The following CDCA4 variants were observed in gnomAD, a reference collection of about 807,000 sequenced individuals.
The protein encoded by CDCA4 is cell division cycle-associated protein 4.
For synonymous variants in CDCA4, 130 were observed against 137.0 expected (o/e 0.95, Z 0.36); for missense variants, 294 against 322.1 (o/e 0.91, Z 0.67).
chr14:105,011,162 G>C lies in CDCA4; in HGVS notation c.*42C>G. The C allele has an allele frequency of 3.8e-6, 6 of 1,559,530 alleles. No homozygotes were observed. In the South Asian group the frequency reaches 6.1e-5, roughly 16 times the overall value. ...CCTCCGTGGGAGCCAGTGCTCACGT[G>C]TCAATGCGTCAGAGGCGGCTGTGAG... On this transcript the variant is annotated 3_prime_UTR_variant, in exon 2 of 2. Coordinates refer to ENST00000336219, the MANE Select transcript of CDCA4 (RefSeq NM_017955.4).
rs1900499278 is a variant in CDCA4, at chr14:105,011,466, C to G, written c.464G>C (p.Arg155Thr). Residue 155 changes from arginine (R) to threonine (T), a missense_variant, in exon 2 of 2, where the codon AGA becomes ACA. Physicochemically the swap from Arg to Thr is moderately conservative, Grantham distance 71. Coordinates refer to ENST00000336219, the MANE Select transcript of CDCA4 (RefSeq NM_017955.4). ...ATCAAGTGACTTGTGAAAGCTTCCT[C>G]TGTTTTCTCGAGGGCCATCCATCTC... The part of the protein sequence containing the change: ...AWEMDGPREN[R>T]GSFHKSLDQI... 6.2e-7 allele frequency: 1 copy of G among 1,614,102 alleles called. No individual in the cohort carries two copies. Among genetic ancestry groups the G allele is most frequent in the Admixed American group, 1.7e-5 (1 of 60,006 alleles).
Position 105,010,893 on chromosome 14 carries a change from A to T in CDCA4, c.*311T>A, listed in dbSNP as rs1017674434. 10 of 383,542 alleles carry T rather than the reference A, an allele frequency of 2.6e-5. No homozygotes were observed. The highest frequency in any genetic ancestry group is 2.1e-4 in the African/African-American group (10 of 48,538). 23.8% of individuals were successfully genotyped at this position (383,542 alleles called of 1,614,324 possible). On this transcript the variant is annotated 3_prime_UTR_variant, in exon 2 of 2. Coordinates refer to ENST00000336219, the MANE Select transcript of CDCA4 (RefSeq NM_017955.4). ...AATTCACCTATCTAAAGGTAAAAGG[A>T]GGTTGATGCAGCTGCGGCTCACCGT...
At chr14:105,015,290 G>A (rs958794360) in intron 1 of CDCA4, among the ~76,000 whole-genome samples, 4 of 133,248 alleles carry the variant, frequency 3.0e-5, no homozygotes, top group Non-Finnish European at 6.8e-5. Flanking sequence ...TGCTGTCAGC[G>A]GTCCTAAGGG....
At chr14:105,016,685 T>A (rs550250871) in intron 1 of CDCA4, among the ~76,000 whole-genome samples, 120 of 152,366 alleles carry the variant, frequency 7.9e-4, no homozygotes, top group South Asian at 3.3e-3. Flanking sequence ...CTGGCCTCCC[T>A]GTGTAGGTCC....
At chr14:105,018,301 C>G (rs115827237) in intron 1 of CDCA4, among the ~76,000 whole-genome samples, 1 of 152,064 alleles carries the variant, frequency 6.6e-6, no homozygotes, top group African/African-American at 2.4e-5. Context: ...TATCCCTGTT[C>G]AGTCACTTCA....
intron 1 of CDCA4, among the ~76,000 whole-genome samples, chr14:105,018,008 C>T (rs1295044304): frequency 2.0e-5 from 3 of 151,972 alleles, no homozygotes; most frequent in African/African-American, 4.8e-5. Context: ...AAATATGTAC[C>T]GTAGGATTCT....
rs1309303728 is a variant in CDCA4 at position 105,010,098 on chromosome 14, G to T, written c.*1106C>A. The T allele has an allele frequency of 3.3e-5, 5 of 152,412 alleles. No individual in the cohort carries two copies. Among genetic ancestry groups the T allele is most frequent in the African/African-American group, 4.8e-5 (2 of 41,456 alleles). The allele number at this position is 152,412 out of a possible 1,614,324, so 9.4% of individuals were successfully genotyped here. A position where few individuals can be genotyped will look rare whatever the true frequency, so the allele number is the denominator to read the frequency against. ...TGTGGGGTGAGGCGGGGCAGGAGTGGAAGGCTGCAGGCACCCCCAGCTCAC... is the reference window on the plus strand; with the variant it reads ...TGTGGGGTGAGGCGGGGCAGGAGTGTAAGGCTGCAGGCACCCCCAGCTCAC... On this transcript the variant is annotated 3_prime_UTR_variant, in exon 2 of 2. Coordinates refer to ENST00000336219, the MANE Select transcript of CDCA4 (RefSeq NM_017955.4).
intron 1 of CDCA4, among the ~76,000 whole-genome samples, chr14:105,018,581 G>A (rs1886144624): frequency 6.6e-6 from 1 of 152,076 alleles, no homozygotes; most frequent in Admixed American, 6.5e-5. Context: ...GCAAGAGCAT[G>A]GTCTTAACCA....
chr14:105,015,503 T>C (rs1293603921), intron 1 of CDCA4, among the ~76,000 whole-genome samples: 1 of 152,266 alleles, frequency 6.6e-6, no homozygotes, highest in Non-Finnish European at 1.5e-5. Context: ...GCAGGAAGCC[T>C]GGCTGCTTTC....
At chr14:105,016,216 A>G (rs764854949) in intron 1 of CDCA4, among the ~76,000 whole-genome samples, 2 of 152,038 alleles carry the variant, frequency 1.3e-5, no homozygotes, top group African/African-American at 2.4e-5. Context: ...AAACCATAAA[A>G]CGAATTTTCT....
At chr14:105,015,498 A>C (rs1360330020) in intron 1 of CDCA4, among the ~76,000 whole-genome samples, 1 of 38,640 alleles carries the variant, frequency 2.6e-5, no homozygotes, top group Non-Finnish European at 1.4e-4. Context: ...GACCTGCAGG[A>C]AGCCTGGCTG....
chr14:105,020,679 G>A (rs1175715387), intron 1 of CDCA4, among the ~76,000 whole-genome samples: 1 of 152,136 alleles, frequency 6.6e-6, no homozygotes, highest in African/African-American at 2.4e-5. Context: ...CCGGGCCCTC[G>A]TGAAGCGGCT....
chr14:105,019,839 C>T (rs897694682), intron 1 of CDCA4, among the ~76,000 whole-genome samples: 4 of 152,138 alleles, frequency 2.6e-5, no homozygotes, highest in African/African-American at 9.7e-5. Context: ...TCCCACATAG[C>T]TAGGATTATG....
At chr14:105,019,782 G>GCTCA (rs58084255) in intron 1 of CDCA4, among the ~76,000 whole-genome samples, 39,450 of 151,658 alleles carry the variant, frequency 0.26, 8,246 homozygotes, top group African/African-American at 0.58. Context: ...CACGATCTCG[G>GCTCA]CTGAGACCTC....
Position 105,011,653 on chromosome 14 carries a change from C to A in CDCA4, c.277G>T (p.Asp93Tyr). 2.5e-6 allele frequency: 4 copies of A among 1,613,682 alleles called. No homozygotes were observed. The highest frequency in any genetic ancestry group is 3.4e-6 in the Non-Finnish European group (4 of 1,179,994). ...APQAAERAPLDRLVSTEILCR... is the reference protein window; with the variant it reads ...APQAAERAPLYRLVSTEILCR... ...AGGATCTCCGTGGAGACCAAGCGGTCGAGCGGCGCCCGCTCTGCAGCCTGG... is the reference window on the plus strand; with the variant it reads ...AGGATCTCCGTGGAGACCAAGCGGTAGAGCGGCGCCCGCTCTGCAGCCTGG... The change falls in exon 2 of 2, where the codon GAC becomes TAC. Residue 93 changes from aspartate to tyrosine, a missense_variant. Transcript: ENST00000336219.
At chr14:105,014,646 G>A (rs1427470155) in intron 1 of CDCA4, among the ~76,000 whole-genome samples, 1 of 152,168 alleles carries the variant, frequency 6.6e-6, no homozygotes, top group Admixed American at 6.5e-5. Context: ...ACTTTTCAGA[G>A]CTTTTCCATC....
chr14:105,016,358 A>G (rs990124561), intron 1 of CDCA4, among the ~76,000 whole-genome samples: 1 of 152,156 alleles, frequency 6.6e-6, no homozygotes, highest in Non-Finnish European at 1.5e-5. Flanking sequence ...CCAATCACAA[A>G]TGATACCAGT....
At chr14:105,013,685 G>A (rs1337380168) in intron 1 of CDCA4, among the ~76,000 whole-genome samples, 1 of 152,042 alleles carries the variant, frequency 6.6e-6, no homozygotes, top group African/African-American at 2.4e-5. Context: ...AGCCCCTCTG[G>A]AGGCTCCCAC....
chr14:105,016,506 C>A (rs1029504689), intron 1 of CDCA4, among the ~76,000 whole-genome samples: 2 of 152,224 alleles, frequency 1.3e-5, no homozygotes, highest in African/African-American at 4.8e-5. Flanking sequence ...AGGTGGAACG[C>A]TCCACCAACT....
Sources: gnomAD v4.1 joint callset for allele counts (sites outside exome capture counted in the v4.1 genomes callset) on GRCh38, gnomAD v4.1.1 for gene constraint, MANE v1.5 for transcripts, NCBI Gene and HGNC (gene_info 2026-07-23, HGNC 2026-07-21) for gene names.